COL22A1: variants seen among roughly 807,000 people sequenced by gnomAD.
COL22A1 encodes the protein collagen alpha-1(XXII) chain.
COL22A1 carries 221 observed loss-of-function variants against 248.9 expected under a neutral mutation model. The ratio of observed to expected loss-of-function variants is 0.89; its 90% CI spans 0.80 to 0.99. The LOEUF (loss-of-function observed/expected upper bound fraction) is 0.99. COL22A1 is among the 50% of genes least tolerant of loss of function. The pLI, the probability that COL22A1 is intolerant of heterozygous loss-of-function variation, is 0.00. For missense variants in COL22A1, 2,240 were observed against 2,179.0 expected (o/e 1.03, Z -0.56); for synonymous variants, 891 against 793.4 (o/e 1.12, Z -2.07).
chr8:138,716,626 C>T (rs1829453531), intron 28 of COL22A1, among the ~76,000 whole-genome samples, 199 bp downstream of exon 28: 1 of 152,134 alleles, frequency 6.6e-6, no homozygotes, highest in Non-Finnish European at 1.5e-5. Flanking sequence ...AAGCCCTCTC[C>T]TATGCCCCCA....
chr8:138,895,333 C>T (rs536927155), intron 1 of COL22A1, among the ~76,000 whole-genome samples: 15 of 152,154 alleles, frequency 9.9e-5, no homozygotes, highest in Admixed American at 2.6e-4. Flanking sequence ...CTGATTCCAA[C>T]GCTGGAATAA....
intron 22 of COL22A1, among the ~76,000 whole-genome samples, chr8:138,748,920 G>A (rs368254985): frequency 4.6e-5 from 7 of 152,178 alleles, no homozygotes; most frequent in East Asian, 3.8e-4. Context: ...TAATTCCCAC[G>A]TGTTGTGAGA....
At chr8:138,650,757 G>A (rs1191678808) in intron 45 of COL22A1, among the ~76,000 whole-genome samples, 4 of 152,110 alleles carry the variant, frequency 2.6e-5, no homozygotes, top group African/African-American at 9.7e-5. Flanking sequence ...GATAGATAAT[G>A]CCCACACATT....
intron 43 of COL22A1, 144 bp downstream of exon 43, chr8:138,661,886 C>G (rs1002135602): frequency 1.9e-6 from 1 of 520,814 alleles, no homozygotes; most frequent in African/African-American, 1.9e-5. Flanking sequence ...AAATAAAAAG[C>G]ATGTCCATGG....
At chr8:138,808,003 G>A (rs181866072) in intron 9 of COL22A1, among the ~76,000 whole-genome samples, 191 bp from the exon 10 acceptor site, 1 of 152,238 alleles carries the variant, frequency 6.6e-6, no homozygotes, top group African/African-American at 2.4e-5. Context: ...AAACCTATAC[G>A]GGAAGCTTTG....
intron 12 of COL22A1, among the ~76,000 whole-genome samples, chr8:138,789,380 T>A (rs902431421): frequency 6.6e-6 from 1 of 152,214 alleles, no homozygotes; most frequent in Non-Finnish European, 1.5e-5. Context: ...ACCACAGTTA[T>A]CCAACTCGAT....
chr8:138,912,179 A>G (rs1815496992), intron 1 of COL22A1, among the ~76,000 whole-genome samples: 1 of 152,238 alleles, frequency 6.6e-6, no homozygotes, highest in Non-Finnish European at 1.5e-5. Flanking sequence ...GACCCAGGGC[A>G]GCCAAAGAGA....
intron 7 of COL22A1, among the ~76,000 whole-genome samples, chr8:138,814,541 GCTGCAAACA>G (rs976490189): frequency 1.3e-5 from 2 of 152,158 alleles, no homozygotes; most frequent in African/African-American, 2.4e-5. Context: ...AATTAGGGTG[GCTGCAAACA>G]CTAGCAAGGA....
At chr8:138,729,978 A>G (rs10091350) in intron 23 of COL22A1, among the ~76,000 whole-genome samples, 64,597 of 152,056 alleles carry the variant, frequency 0.42, 14,914 homozygotes, top group African/African-American at 0.61. Flanking sequence ...GGGTAGGAGG[A>G]CAGGAGCATC....
At chr8:138,620,300 C>G (rs2131937332) in intron 52 of COL22A1, 1 of 152,214 alleles carries the variant, frequency 6.6e-6, no homozygotes, top group Non-Finnish European at 1.5e-5. Context: ...GGAAGACATG[C>G]CTGTTCCCAA....
intron 60 of COL22A1, among the ~76,000 whole-genome samples, chr8:138,599,248 A>T (rs1251895861): frequency 1.3e-5 from 2 of 151,914 alleles, no homozygotes; most frequent in East Asian, 3.9e-4. Flanking sequence ...AGGCCGAGGC[A>T]GGCAGATCAC....
At chr8:138,596,045 T>A (rs1817513190) in intron 62 of COL22A1, among the ~76,000 whole-genome samples, 1 of 152,154 alleles carries the variant, frequency 6.6e-6, no homozygotes, top group South Asian at 2.1e-4. Context: ...CCCTAATAAT[T>A]CTGCTTCTAA....
chr8:138,640,623 C>T (rs896266486), intron 47 of COL22A1, among the ~76,000 whole-genome samples: 5 of 152,110 alleles, frequency 3.3e-5, no homozygotes, highest in Admixed American at 6.6e-5. Flanking sequence ...TTCTTTCAGT[C>T]GTTTACTCTT....
chr8:138,697,977 C>T (rs561240851), intron 32 of COL22A1, among the ~76,000 whole-genome samples: 2 of 152,198 alleles, frequency 1.3e-5, no homozygotes, highest in African/African-American at 4.8e-5. Flanking sequence ...GCAGAGCCTG[C>T]AGGAAGGATG....
chr8:138,721,877 GC>G (rs1272569695), intron 26 of COL22A1, among the ~76,000 whole-genome samples, 158 bp downstream of exon 26: 1 of 152,216 alleles, frequency 6.6e-6, no homozygotes, highest in African/African-American at 2.4e-5. Flanking sequence ...TAAATAAGGA[GC>G]CTTCCCCCAT....
intron 12 of COL22A1, among the ~76,000 whole-genome samples, chr8:138,793,560 C>A (rs958885001): frequency 1.3e-5 from 2 of 152,224 alleles, no homozygotes; most frequent in Non-Finnish European, 2.9e-5. Context: ...CTAAAAATAT[C>A]AACTGCAGGA....
chr8:138,631,121 A>C (rs1820687632), intron 49 of COL22A1, among the ~76,000 whole-genome samples: 1 of 152,216 alleles, frequency 6.6e-6, no homozygotes, highest in Non-Finnish European at 1.5e-5. Context: ...AGAAGTCAAG[A>C]AGATGCTGGT....
intron 2 of COL22A1, among the ~76,000 whole-genome samples, chr8:138,880,025 A>C (rs2132054316): frequency 6.6e-6 from 1 of 152,282 alleles, no homozygotes; most frequent in African/African-American, 2.4e-5. Flanking sequence ...GTATCTTTTT[A>C]TCCACCAATT....
intron 12 of COL22A1, 54 bp downstream of exon 12, chr8:138,796,765 C>A (rs1298482750): frequency 2.4e-6 from 3 of 1,238,454 alleles, no homozygotes; most frequent in East Asian, 2.3e-5. Context: ...TCCCCCAAAC[C>A]TAAGTCCTCT....
Sources: allele counts gnomAD v4.1 joint callset (sites outside exome capture counted in the v4.1 genomes callset), GRCh38; gene constraint gnomAD v4.1.1; transcripts MANE v1.5; gene names NCBI Gene and HGNC (gene_info 2026-07-23, HGNC 2026-07-21).